The following TRIM33 variants were observed in gnomAD, a reference collection of about 807,000 sequenced individuals.
TRIM33 encodes E3 ubiquitin-protein ligase TRIM33.
TRIM33 carries 20 observed loss-of-function variants against 125.4 expected under a neutral mutation model. That is an observed-to-expected ratio of 0.16 (90% confidence interval 0.11 to 0.23). TRIM33 has a LOEUF of 0.23. Among genes scored for constraint, TRIM33 ranks in the 10% least tolerant of loss-of-function variants. TRIM33 has a pLI of 1.00. For synonymous variants in TRIM33, 564 were observed against 513.9 expected, an observed-to-expected ratio of 1.10 and a Z score of -1.32; for missense variants, 920 against 1,411.4, an observed-to-expected ratio of 0.65 and a Z score of 5.58.
intron 8 of TRIM33, 126 bp downstream of exon 8, chr1:114,427,049 CAT>C: frequency 2.0e-6 from 1 of 510,228 alleles, no homozygotes; most frequent in South Asian, 3.5e-5. Flanking sequence ...TGAATAACAA[CAT>C]ATTTTTACAT....
intron 1 of TRIM33, among the ~76,000 whole-genome samples, chr1:114,489,076 A>T (rs927958373): frequency 6.6e-6 from 1 of 152,180 alleles, no homozygotes; most frequent in Non-Finnish European, 1.5e-5. Context: ...TGTTATTGGC[A>T]TAAAGACAGA....
Position 114,452,698 on chromosome 1 carries a change from C to T in TRIM33, c.923+10406G>A, listed in dbSNP as rs889387472. ...ACTGCTTGAGGCCAGGAGTTCAAGA[C>T]CCGGGCAACATGGCAAGACCCCATC... On this transcript the variant is annotated intron_variant, in intron 4 of 19. Coordinates refer to ENST00000358465, the MANE Select transcript of TRIM33 (RefSeq NM_015906.4). Among the ~76,000 whole-genome samples, 4 of 142,786 alleles carry T rather than the reference C, an allele frequency of 2.8e-5. No individual in the cohort carries two copies. The East Asian group carries it at 8.1e-4, about 29-fold the overall frequency. The allele number at this position is 142,786 out of a possible 152,430, so 93.7% of individuals were successfully genotyped here. A position where few individuals can be genotyped will look rare whatever the true frequency, so the allele number is the denominator to read the frequency against.
intron 7 of TRIM33, 90 bp downstream of exon 7, chr1:114,427,657 AT>A (rs1647677540): frequency 8.0e-6 from 11 of 1,367,498 alleles, no homozygotes; most frequent in Non-Finnish European, 1.1e-5. Context: ...ATTTGCCAAA[AT>A]TAAAATGTAT....
chr1:114,496,010 A>T (rs982737122), intron 1 of TRIM33, among the ~76,000 whole-genome samples: 9 of 152,228 alleles, frequency 5.9e-5, no homozygotes, highest in Non-Finnish European at 1.0e-4. Context: ...ACAACAAATG[A>T]AGGTAATGTT....
At chr1:114,436,522 G>C (rs1648316133) in intron 4 of TRIM33, among the ~76,000 whole-genome samples, 1 of 151,858 alleles carries the variant, frequency 6.6e-6, no homozygotes, top group African/African-American at 2.4e-5. Context: ...CTGGAGTGCA[G>C]TGGCGCAATC....
intron 1 of TRIM33, among the ~76,000 whole-genome samples, chr1:114,497,755 C>T (rs755234685): frequency 6.6e-6 from 1 of 151,904 alleles, no homozygotes; most frequent in Non-Finnish European, 1.5e-5. Context: ...CAATGCCCAA[C>T]AATTAACAGG....
Position 114,473,051 on chromosome 1 carries a change from T to C in TRIM33, c.527-8663A>G, listed in dbSNP as rs144165274. ...GCGGGCAAATCATGAGGTCAAGAGA[T>C]AGAGACCATCCTGGCTAACATGGTG... On this transcript the variant is annotated intron_variant, in intron 1 of 19. Coordinates refer to ENST00000358465, the MANE Select transcript of TRIM33 (RefSeq NM_015906.4). Among the ~76,000 whole-genome samples, 73 of 152,062 alleles carry C rather than the reference T, an allele frequency of 4.8e-4. 1 individual carries two copies. In the East Asian group the frequency reaches 0.013, roughly 27 times the overall value.
chr1:114,449,273 A>G (rs1038280758), intron 4 of TRIM33, among the ~76,000 whole-genome samples: 1 of 152,228 alleles, frequency 6.6e-6, no homozygotes, highest in African/African-American at 2.4e-5. Context: ...AGCAGTGTCC[A>G]TTATGCCAAA....
intron 1 of TRIM33, among the ~76,000 whole-genome samples, chr1:114,503,369 T>TA (rs1652818756): frequency 6.6e-6 from 1 of 151,978 alleles, no homozygotes; most frequent in Non-Finnish European, 1.5e-5. Flanking sequence ...TAATCCCAGC[T>TA]ACTTGGGAGG....
intron 11 of TRIM33, among the ~76,000 whole-genome samples, chr1:114,416,286 TTAA>T (rs1181936256): frequency 4.6e-5 from 7 of 152,188 alleles, no homozygotes; most frequent in African/African-American, 1.4e-4. Flanking sequence ...CTAAAACTGA[TTAA>T]TGAGATACAT....
intron 1 of TRIM33, among the ~76,000 whole-genome samples, chr1:114,473,685 C>A (rs1650796893): frequency 6.6e-6 from 1 of 152,124 alleles, no homozygotes; most frequent in South Asian, 2.1e-4. Flanking sequence ...AAGAATTGAA[C>A]ACACTGACAT....
chr1:114,411,002 TA>T (rs1393421746), intron 11 of TRIM33, among the ~76,000 whole-genome samples: 1 of 152,210 alleles, frequency 6.6e-6, no homozygotes, highest in Non-Finnish European at 1.5e-5. Flanking sequence ...AATATTACCT[TA>T]AATCTTATAC....
chr1:114,404,916 G>A (rs1346856411), intron 15 of TRIM33: 1 of 149,352 alleles, frequency 6.7e-6, no homozygotes, highest in East Asian at 2.0e-4. Context: ...AGAGGAAGGA[G>A]AAGACTGAAA....
intron 4 of TRIM33, among the ~76,000 whole-genome samples, chr1:114,453,721 G>T (rs1649470262): frequency 6.6e-6 from 1 of 152,178 alleles, no homozygotes; most frequent in Non-Finnish European, 1.5e-5. Context: ...AACCTCAGGA[G>T]GAGCTGTCCT....
chr1:114,475,031 C>T (rs1650892260), intron 1 of TRIM33, among the ~76,000 whole-genome samples: 2 of 152,020 alleles, frequency 1.3e-5, no homozygotes, highest in South Asian at 4.1e-4. Flanking sequence ...TAGTTATATG[C>T]ATATGTGTAC....
chr1:114,397,620 T>TTTA lies in TRIM33; in HGVS notation c.*27_*28insTAA. 2.3e-5 allele frequency: 27 copies of TTTA among 1,197,224 alleles called. No homozygotes were observed. The highest frequency in any genetic ancestry group is 9.7e-5 in the South Asian group (7 of 72,056). The allele number at this position is 1,197,224 out of a possible 1,614,324, so 74.2% of individuals were successfully genotyped here. The stretch of plus-strand genomic sequence containing the variant: ...TTTTTTTTTTTCGTTTTTTTTTTTT[T>TTTA]AAACAATTGATTTAAATCCATGTCA... On this transcript the variant is annotated 3_prime_UTR_variant, in exon 20 of 20. Coordinates refer to ENST00000358465, the MANE Select transcript of TRIM33 (RefSeq NM_015906.4).
intron 16 of TRIM33, among the ~76,000 whole-genome samples, chr1:114,401,863 G>A (rs1187069160): frequency 6.6e-6 from 1 of 152,164 alleles, no homozygotes; most frequent in Non-Finnish European, 1.5e-5. Flanking sequence ...TTCTTCAAAT[G>A]ATTCCAGTCA....
At chr1:114,463,301 C>T in intron 3 of TRIM33, 65 bp from the exon 4 acceptor site, 2 of 1,556,620 alleles carry the variant, frequency 1.3e-6, no homozygotes, top group East Asian at 2.3e-5. Context: ...TTTCTAAATT[C>T]CTATTGATGT....
In TRIM33 at chr1:114,406,730, T is replaced by TAA. The variant is rs534558548; in HGVS notation, c.2418+210_2418+211insTT. Among the ~76,000 whole-genome samples, 3 of 152,342 alleles carry TAA rather than the reference T, an allele frequency of 2.0e-5. No homozygotes were observed. In the South Asian group the frequency reaches 6.2e-4, roughly 32 times the overall value. On this transcript the variant is annotated intron_variant, in intron 14 of 19. Coordinates refer to ENST00000358465, the MANE Select transcript of TRIM33 (RefSeq NM_015906.4). ...AAATTCAAAGATAATTTCAAATGAG[T>TAA]ACTTAATACAATTAAGTCTTTTCTG... is the stretch of plus-strand genomic sequence containing the variant.
Sources: gnomAD v4.1 joint callset for allele counts (sites outside exome capture counted in the v4.1 genomes callset) on GRCh38, gnomAD v4.1.1 for gene constraint, MANE v1.5 for transcripts, NCBI Gene and HGNC (gene_info 2026-07-23, HGNC 2026-07-21) for gene names.